KDM6A: variants seen among roughly 807,000 people sequenced by gnomAD.
KDM6A encodes lysine demethylase 6A, also known as lysine-specific demethylase 6A.
KDM6A carries 11 observed loss-of-function variants against 117.6 expected under a neutral mutation model. That is an observed-to-expected ratio of 0.09 (90% CI 0.06 to 0.15). The LOEUF (loss-of-function observed/expected upper bound fraction) is 0.15, where lower values mean the gene tolerates loss of function less well. Among genes scored for constraint, KDM6A ranks in the 10% least tolerant of loss-of-function variants. The pLI is 1.00. For missense variants in KDM6A, 799 were observed against 1,077.3 expected (o/e 0.74, Z 3.62); for synonymous variants, 384 against 396.1 (o/e 0.97, Z 0.36).
chrX:45,019,786 T>G (rs935601670), intron 5 of KDM6A, among the ~76,000 whole-genome samples: 1 of 111,755 alleles, frequency 8.9e-6, no homozygotes, highest in Non-Finnish European at 1.9e-5. Flanking sequence ...TGTCATTATT[T>G]TAATATTTAT....
intron 2 of KDM6A, among the ~76,000 whole-genome samples, chrX:44,949,824 T>C (rs1410064342): frequency 8.9e-6 from 1 of 111,752 alleles, no homozygotes; most frequent in African/African-American, 3.3e-5. Flanking sequence ...CATAAAGATA[T>C]GGTCTACATA....
chrX:44,889,673 G>T (rs184608749), intron 2 of KDM6A, among the ~76,000 whole-genome samples: 2 of 111,689 alleles, frequency 1.8e-5, no homozygotes, highest in African/African-American at 3.3e-5. Context: ...ATGAAAAGAG[G>T]TGAGTCCTAT....
intron 2 of KDM6A, among the ~76,000 whole-genome samples, chrX:44,953,842 G>C (rs987208733): frequency 9.0e-6 from 1 of 111,078 alleles, no homozygotes; most frequent in East Asian, 2.8e-4. Context: ...AGGCCAAGGC[G>C]GGTGGATCGT....
rs2147992671 is a variant in KDM6A at position 45,063,543 on chromosome X, T to G, written c.1805T>G (p.Val602Gly). 1 of 1,211,396 alleles carries G rather than the reference T, an allele frequency of 8.3e-7. No individual in the cohort carries two copies. The part of the protein sequence containing the change: ...GQQPQLALTR[V>G]PSVSQPGVRP... ...CAGCCACAGCTTGCTCTGACCAGAG[T>G]GCCTAGCGTCTCTCAGCCTGGAGTC... is the stretch of plus-strand genomic sequence containing the variant. Residue 602 changes from valine (V) to glycine (G), a missense_variant, in exon 17 of 30, where the codon GTG becomes GGG. Physicochemically the swap from Val to Gly is moderately radical, Grantham distance 109. This residue lies in a region of KDM6A where 301 missense variants were observed against 318.3 expected (regional missense o/e 0.95). Coordinates refer to ENST00000611820, the MANE Select transcript of KDM6A (RefSeq NM_001291415.2).
chrX:44,915,755 A>C (rs2035511223), intron 2 of KDM6A, among the ~76,000 whole-genome samples: 1 of 111,548 alleles, frequency 9.0e-6, no homozygotes, highest in Non-Finnish European at 1.9e-5. Flanking sequence ...TAGCCGTCTG[A>C]GTTATCAGAT....
intron 3 of KDM6A, among the ~76,000 whole-genome samples, chrX:44,965,082 T>G (rs1167036756): frequency 8.9e-6 from 1 of 112,420 alleles, no homozygotes; most frequent in Admixed American, 9.4e-5. Flanking sequence ...TCCTTAAACT[T>G]CACGAACCAA....
At chrX:45,107,260 AGAAT>A in intron 27 of KDM6A, 146 bp from the exon 28 acceptor site, 4 of 541,201 alleles carry the variant, frequency 7.4e-6, no homozygotes, top group Non-Finnish European at 1.2e-5. Flanking sequence ...TTAAAATCTG[AGAAT>A]ATTTGATAAA....
chrX:45,067,652 TG>T (rs1211967643), intron 17 of KDM6A, among the ~76,000 whole-genome samples: 9 of 96,306 alleles, frequency 9.3e-5, no homozygotes, highest in East Asian at 2.9e-4. Context: ...ATCTTTTTTT[TG>T]TTTTTTTTTT....
At chrX:45,029,674 C>T (rs1359678913) in intron 6 of KDM6A, among the ~76,000 whole-genome samples, 1 of 110,379 alleles carries the variant, frequency 9.1e-6, no homozygotes, top group Non-Finnish European at 1.9e-5. Flanking sequence ...CAGTATCCCC[C>T]TTTATAAAAC....
At chrX:44,873,806 G>A (rs1410298556) in intron 1 of KDM6A, 94 bp downstream of exon 1, 3 of 1,138,795 alleles carry the variant, frequency 2.6e-6, no homozygotes, top group African/African-American at 1.8e-5. Flanking sequence ...GCGGCGGCGG[G>A]GCGGGCACCT....
At chrX:44,980,963 A>G (rs757643386) in intron 4 of KDM6A, among the ~76,000 whole-genome samples, 59 of 110,031 alleles carry the variant, frequency 5.4e-4, no homozygotes, top group South Asian at 1.6e-3. Context: ...TTGCTAGTTT[A>G]CTTCGAGGGC....
intron 2 of KDM6A, among the ~76,000 whole-genome samples, chrX:44,920,584 G>A (rs1013514914): frequency 1.8e-5 from 2 of 109,371 alleles, no homozygotes; most frequent in Admixed American, 9.8e-5. Context: ...GACTACAGGC[G>A]CCCGTCACCA....
chrX:45,009,977 A>G (rs1484623500), intron 4 of KDM6A, among the ~76,000 whole-genome samples: 1 of 112,411 alleles, frequency 8.9e-6, no homozygotes, highest in Non-Finnish European at 1.9e-5. Context: ...AAGCATTGTA[A>G]TAATAGTTAA....
chrX:44,974,780 C>A, intron 4 of KDM6A, 65 bp downstream of exon 4: 1 of 804,218 alleles, frequency 1.2e-6, no homozygotes, highest in Non-Finnish European at 1.9e-6. Flanking sequence ...CAATTATACT[C>A]AAAATTAATT....
chrX:44,878,725 GT>G (rs916792589), intron 2 of KDM6A, among the ~76,000 whole-genome samples: 7 of 103,261 alleles, frequency 6.8e-5, no homozygotes, highest in African/African-American at 1.7e-4. Flanking sequence ...GATACTTTTT[GT>G]TTTTTTTTTT....
intron 8 of KDM6A, among the ~76,000 whole-genome samples, chrX:45,048,904 T>A (rs1300628180): frequency 9.1e-6 from 1 of 110,240 alleles, no homozygotes; most frequent in East Asian, 2.8e-4. Flanking sequence ...TTACACATCG[T>A]TTATAATTGC....
At chrX:45,058,352 C>T (rs959984693) in intron 10 of KDM6A, among the ~76,000 whole-genome samples, 9 of 109,921 alleles carry the variant, frequency 8.2e-5, no homozygotes, top group African/African-American at 2.6e-4. Flanking sequence ...TCATGTCCAT[C>T]GTGTATATTC....
chrX:45,024,269 TC>T (rs2042277630), intron 6 of KDM6A, among the ~76,000 whole-genome samples: 1 of 111,920 alleles, frequency 8.9e-6, no homozygotes, highest in South Asian at 3.7e-4. Context: ...GTAAAAGTGT[TC>T]CCTTTTCACC....
At chrX:44,894,576 T>C (rs2033641381) in intron 2 of KDM6A, among the ~76,000 whole-genome samples, 1 of 110,452 alleles carries the variant, frequency 9.1e-6, no homozygotes, top group African/African-American at 3.3e-5. Flanking sequence ...TGTGTTTTCA[T>C]GTCTGTGAGT....
Sources: gnomAD v4.1 joint callset for allele counts (sites outside exome capture counted in the v4.1 genomes callset) on GRCh38, gnomAD v4.1.1 for gene constraint, gnomAD v4.1.1 regional missense constraint, MANE v1.5 for transcripts, NCBI Gene and HGNC (gene_info 2026-07-23, HGNC 2026-07-21) for gene names.